Variants in EPB41L4A observed in about 807,000 individuals in gnomAD.
EPB41L4A encodes the protein band 4.1-like protein 4A.
Under a neutral mutation model 108.6 loss-of-function variants are expected in EPB41L4A, and 100 were observed. That is an observed-to-expected ratio of 0.92 (90% CI 0.78 to 1.09). The LOEUF (loss-of-function observed/expected upper bound fraction) is 1.09. Ranked by LOEUF, EPB41L4A falls within the 50% of genes least tolerant of loss-of-function variation. The pLI is 0.00. For missense variants in EPB41L4A, 1,030 were observed against 842.7 expected, an observed-to-expected ratio of 1.22 and a Z score of -2.75; for synonymous variants, 319 against 289.0, an observed-to-expected ratio of 1.10 and a Z score of -1.05.
intron 1 of EPB41L4A, among the ~76,000 whole-genome samples, chr5:112,308,131 T>C (rs543314170): frequency 1.8e-4 from 27 of 152,326 alleles, no homozygotes; most frequent in Non-Finnish European, 3.7e-4. Flanking sequence ...CCCCACCTAC[T>C]ACATATACAG....
chr5:112,393,268 C>CA (rs1157219551), intron 1 of EPB41L4A, among the ~76,000 whole-genome samples: 3 of 151,746 alleles, frequency 2.0e-5, no homozygotes, highest in Admixed American at 6.6e-5. Flanking sequence ...GATAGAGACA[C>CA]AAAAAAACCA....
At chr5:112,175,442 T>C (rs922623685) in intron 18 of EPB41L4A, 3 of 152,356 alleles carry the variant, frequency 2.0e-5, no homozygotes, top group Non-Finnish European at 4.4e-5. Flanking sequence ...TTGTATTTTA[T>C]ACTACTCTAC....
chr5:112,174,907 G>A (rs902802001), intron 18 of EPB41L4A, among the ~76,000 whole-genome samples: 10 of 152,080 alleles, frequency 6.6e-5, no homozygotes, highest in Non-Finnish European at 1.2e-4. Flanking sequence ...TCACATTCCT[G>A]ACGGGTCAAA....
intron 12 of EPB41L4A, among the ~76,000 whole-genome samples, chr5:112,231,393 TTC>T (rs1748912191): frequency 6.6e-6 from 1 of 152,244 alleles, no homozygotes; most frequent in Non-Finnish European, 1.5e-5. Context: ...AAAAGTTTTT[TTC>T]TTTCTTTTTG....
chr5:112,168,608 A>T (rs912118080), intron 22 of EPB41L4A, 131 bp downstream of exon 22: 13 of 674,580 alleles, frequency 1.9e-5, no homozygotes, highest in Middle Eastern at 4.9e-4. Context: ...TTCTTTTAAA[A>T]TACAGAATCT....
intron 9 of EPB41L4A, among the ~76,000 whole-genome samples, chr5:112,253,360 A>G (rs939096925): frequency 2.0e-5 from 3 of 152,000 alleles, no homozygotes; most frequent in Non-Finnish European, 2.9e-5. Context: ...GAAATAAGAA[A>G]CTCTCTGTTT....
At chr5:112,228,197 A>C (rs929772595) in intron 12 of EPB41L4A, 4 of 152,202 alleles carry the variant, frequency 2.6e-5, no homozygotes, top group Admixed American at 2.6e-4. Context: ...TTAACTTAGC[A>C]CACAAAGTCT....
intron 12 of EPB41L4A, among the ~76,000 whole-genome samples, chr5:112,233,842 T>C (rs1018144681): frequency 6.6e-6 from 1 of 152,170 alleles, no homozygotes; most frequent in Admixed American, 6.5e-5. Context: ...TGTTGTTTGT[T>C]TTAAGAAACA....
intron 1 of EPB41L4A, among the ~76,000 whole-genome samples, chr5:112,350,525 A>G (rs1757972202): frequency 6.6e-6 from 1 of 152,198 alleles, no homozygotes; most frequent in Non-Finnish European, 1.5e-5. Flanking sequence ...ATACAGCACA[A>G]TTGTTAACTA....
At chr5:112,327,157 C>CT (rs1356792608) in intron 1 of EPB41L4A, among the ~76,000 whole-genome samples, 2 of 152,128 alleles carry the variant, frequency 1.3e-5, no homozygotes, top group Non-Finnish European at 2.9e-5. Context: ...CCCTGGCCTT[C>CT]TAAGTGCATG....
intron 1 of EPB41L4A, among the ~76,000 whole-genome samples, chr5:112,388,404 T>C (rs7730739): frequency 0.14 from 21,448 of 152,156 alleles, 4,241 homozygotes; most frequent in African/African-American, 0.44. Context: ...CTCCTCTATG[T>C]ATCTGACTCA....
intron 1 of EPB41L4A, among the ~76,000 whole-genome samples, chr5:112,391,263 T>C (rs1262235896): frequency 1.3e-5 from 2 of 152,102 alleles, no homozygotes; most frequent in African/African-American, 4.8e-5. Flanking sequence ...AGGCTGGTAA[T>C]AACAAACTTC....
At chr5:112,218,052 TAC>T (rs1747776376) in intron 12 of EPB41L4A, among the ~76,000 whole-genome samples, 1 of 152,128 alleles carries the variant, frequency 6.6e-6, no homozygotes, top group African/African-American at 2.4e-5. Context: ...CCCCCAGTGC[TAC>T]AGAGTGTGTG....
Position 112,390,244 on chromosome 5 carries a change from T to C in EPB41L4A, c.99+28697A>G, listed in dbSNP as rs147646492. On this transcript the variant is annotated intron_variant, in intron 1 of 22. Transcript: ENST00000261486. ...GGGTGAGCCAAAGCAGGGCGGGGCA[T>C]CGCCTCACCTGGGAAGCACAAGGGG... Among the ~76,000 whole-genome samples, 775 of 152,252 alleles carry C rather than the reference T, an allele frequency of 5.1e-3. 3 individuals carry two copies. Among genetic ancestry groups the C allele is most frequent in the African/African-American group, 0.018 (739 of 41,554 alleles).
At chr5:112,364,114 G>A (rs943846280) in intron 1 of EPB41L4A, among the ~76,000 whole-genome samples, 2 of 152,116 alleles carry the variant, frequency 1.3e-5, no homozygotes, top group Admixed American at 6.6e-5. Context: ...TGCAAACTCT[G>A]CCTCCTGGGT....
intron 1 of EPB41L4A, among the ~76,000 whole-genome samples, chr5:112,410,483 G>A (rs548726959): frequency 6.6e-6 from 1 of 152,248 alleles, no homozygotes; most frequent in Admixed American, 6.5e-5. Flanking sequence ...AATGAAAACA[G>A]GGGAAAAGAA....
chr5:112,391,255 G>C (rs1487323837), intron 1 of EPB41L4A, among the ~76,000 whole-genome samples: 1 of 152,138 alleles, frequency 6.6e-6, no homozygotes, highest in Non-Finnish European at 1.5e-5. Context: ...GCTTCAGAAG[G>C]CTGGTAATAA....
intron 1 of EPB41L4A, among the ~76,000 whole-genome samples, chr5:112,357,810 A>G (rs1469613452): frequency 1.3e-5 from 2 of 152,234 alleles, no homozygotes; most frequent in Non-Finnish European, 2.9e-5. Context: ...CATCTAGGGA[A>G]GAGCTATGTG....
At chr5:112,198,461 C>A (rs1052529648) in intron 15 of EPB41L4A, among the ~76,000 whole-genome samples, 1 of 152,136 alleles carries the variant, frequency 6.6e-6, no homozygotes, top group South Asian at 2.1e-4. Context: ...TTATAATGAA[C>A]CTTCGAATGA....
Sources: allele counts gnomAD v4.1 joint callset (sites outside exome capture counted in the v4.1 genomes callset), GRCh38; gene constraint gnomAD v4.1.1; transcripts MANE v1.5; gene names NCBI Gene and HGNC (gene_info 2026-07-23, HGNC 2026-07-21).